The following MSH3 variants were observed in gnomAD, a reference collection of about 807,000 sequenced individuals.
MSH3 encodes DNA mismatch repair protein Msh3.
Under a neutral mutation model 123.3 loss-of-function variants are expected in MSH3, and 106 were observed. That is an observed-to-expected ratio of 0.86 (90% confidence interval 0.73 to 1.01). The LOEUF (loss-of-function observed/expected upper bound fraction) is 1.01. MSH3 is among the 50% of genes least tolerant of loss of function. The pLI is 0.00. For synonymous variants in MSH3, 515 were observed against 481.4 expected, an observed-to-expected ratio of 1.07 and a Z score of -0.91; for missense variants, 1,459 against 1,347.6, an observed-to-expected ratio of 1.08 and a Z score of -1.29.
chr5:80,783,846 G>A (rs539636709), intron 17 of MSH3, among the ~76,000 whole-genome samples: 7 of 152,248 alleles, frequency 4.6e-5, no homozygotes, highest in South Asian at 4.2e-4. Context: ...TAGGAGGACC[G>A]GATGGGTCAG....
Position 80,873,116 on chromosome 5 carries a change from G to A in MSH3, c.3131G>A (p.Gly1044Asp), listed in dbSNP as rs2112128541. ...TTGATCTCCTTTCTTTATTTCACAG[G>A]CGCAGCAGAACAAGTCCCTGATTTT... ...VSEDESKLDP[G>D]AAEQVPDFVT... The change falls in exon 23 of 24, where the codon GGC becomes GAC. Residue 1044 changes from glycine to aspartate, a missense_variant and splice_region_variant. By Grantham distance (94) the Gly-to-Asp change is moderately conservative. Transcript: ENST00000265081. The A allele has an allele frequency of 6.2e-7, 1 of 1,612,374 alleles. No individual in the cohort carries two copies. Among genetic ancestry groups the A allele is most frequent in the South Asian group, 1.1e-5 (1 of 90,996 alleles).
intron 20 of MSH3, 104 bp downstream of exon 20, chr5:80,813,845 C>A: frequency 7.9e-7 from 1 of 1,260,508 alleles, no homozygotes; most frequent in Non-Finnish European, 1.2e-6. Flanking sequence ...TCTTAAAGCA[C>A]TCAACATTTA....
chr5:80,661,379 T>G (rs1281401731), intron 2 of MSH3, among the ~76,000 whole-genome samples: 2 of 152,212 alleles, frequency 1.3e-5, no homozygotes, highest in African/African-American at 4.8e-5. Flanking sequence ...GGATAGATTC[T>G]ACTGCTCTGT....
chr5:80,707,138 CT>C (rs1343826778), intron 8 of MSH3, among the ~76,000 whole-genome samples: 1 of 152,242 alleles, frequency 6.6e-6, no homozygotes, highest in South Asian at 2.1e-4. Flanking sequence ...ACAGTGCATA[CT>C]TTTTTGTGTC....
At chr5:80,853,883 C>G (rs1979005) in intron 20 of MSH3, among the ~76,000 whole-genome samples, 1 of 152,056 alleles carries the variant, frequency 6.6e-6, no homozygotes, top group African/African-American at 2.4e-5. Flanking sequence ...TCAAACGTTT[C>G]CCTACTTTTT....
chr5:80,807,632 A>C (rs536038417), intron 19 of MSH3, among the ~76,000 whole-genome samples: 9 of 152,188 alleles, frequency 5.9e-5, no homozygotes, highest in Non-Finnish European at 1.0e-4. Flanking sequence ...CATTTGTATG[A>C]TTATCACCTG....
intron 12 of MSH3, among the ~76,000 whole-genome samples, chr5:80,760,609 T>C (rs1030031636): frequency 6.6e-5 from 10 of 152,212 alleles, no homozygotes; most frequent in Admixed American, 5.9e-4. Flanking sequence ...GTTTAACTAT[T>C]ATATTAGCCA....
chr5:80,769,530 T>C (rs1479069420), intron 15 of MSH3, among the ~76,000 whole-genome samples: 2 of 152,110 alleles, frequency 1.3e-5, no homozygotes, highest in Non-Finnish European at 2.9e-5. Flanking sequence ...TGTGTACTTC[T>C]GTTTAAAGTT....
intron 8 of MSH3, among the ~76,000 whole-genome samples, chr5:80,697,338 G>C (rs1051652264): frequency 3.3e-5 from 5 of 152,154 alleles, no homozygotes; most frequent in African/African-American, 4.8e-5. Flanking sequence ...GTTACACCTG[G>C]TTTACTTACC....
chr5:80,766,735 A>G (rs1320495853), intron 13 of MSH3, among the ~76,000 whole-genome samples: 1 of 151,998 alleles, frequency 6.6e-6, no homozygotes, highest in African/African-American at 2.4e-5. Flanking sequence ...ACCAGAAGCT[A>G]TGATATAAAA....
intron 8 of MSH3, among the ~76,000 whole-genome samples, chr5:80,703,149 A>G (rs750461556): frequency 1.2e-4 from 19 of 152,276 alleles, no homozygotes; most frequent in Non-Finnish European, 2.1e-4. Flanking sequence ...TATGTCCATA[A>G]TAAATGACAG....
intron 2 of MSH3, among the ~76,000 whole-genome samples, chr5:80,663,575 G>A (rs995462570): frequency 6.6e-6 from 1 of 151,618 alleles, no homozygotes; most frequent in East Asian, 1.9e-4. Flanking sequence ...CTATAGGAGG[G>A]AAACTCTTTG....
intron 2 of MSH3, among the ~76,000 whole-genome samples, chr5:80,660,234 G>A (rs1366768369): frequency 1.3e-5 from 2 of 150,848 alleles, no homozygotes; most frequent in African/African-American, 4.9e-5. Flanking sequence ...GGATACATGT[G>A]TAGAACATGC....
In MSH3 at chr5:80,741,549, G is replaced by A. The variant is rs550626088; in HGVS notation, c.1653+1G>A. 1 of 1,603,218 alleles carries A rather than the reference G, an allele frequency of 6.2e-7. No individual in the cohort carries two copies. Among genetic ancestry groups the A allele is most frequent in the African/African-American group, 1.3e-5 (1 of 74,788 alleles). ...GAATCTGGAAATCCTACAGAATCAGGTCAGGCAAATACAAGGGCTAGTTGA... is the reference window on the plus strand; with the variant it reads ...GAATCTGGAAATCCTACAGAATCAGATCAGGCAAATACAAGGGCTAGTTGA... On this transcript the variant is annotated splice_donor_variant, in intron 11 of 23. Transcript: ENST00000265081. LOFTEE classifies it high-confidence loss of function.
At chr5:80,751,715 C>A (rs1389292114) in intron 12 of MSH3, among the ~76,000 whole-genome samples, 3 of 152,094 alleles carry the variant, frequency 2.0e-5, no homozygotes, top group African/African-American at 7.2e-5. Flanking sequence ...AGAATGACCT[C>A]ATCTTAATAA....
chr5:80,839,219 T>C lies in MSH3; in HGVS notation c.2814-14911T>C, dbSNP rs530209182. Among the ~76,000 whole-genome samples, 6 of 152,116 alleles carry C rather than the reference T, an allele frequency of 3.9e-5. No individual in the cohort carries two copies. The East Asian group carries it at 1.2e-3, about 29-fold the overall frequency. ...CCATCTCTACTAAAAATACAAAATA[T>C]TAGCCAGGTGTGGTGGCGTGCACCT... On this transcript the variant is annotated intron_variant, in intron 20 of 23. Coordinates refer to ENST00000265081, the MANE Select transcript of MSH3 (RefSeq NM_002439.5).
chr5:80,748,058 T>C (rs918516521), intron 12 of MSH3, among the ~76,000 whole-genome samples: 9 of 152,168 alleles, frequency 5.9e-5, no homozygotes, highest in African/African-American at 2.2e-4. Flanking sequence ...TGCCAAAGGT[T>C]AGTTTAGGGT....
chr5:80,729,000 G>A (rs780553716), intron 10 of MSH3, 35 bp downstream of exon 10: 2 of 1,167,062 alleles, frequency 1.7e-6, no homozygotes, highest in South Asian at 1.2e-5. Flanking sequence ...AAAAGGGGGA[G>A]CTTATATTAT....
At chr5:80,721,133 G>T (rs1668073397) in intron 8 of MSH3, among the ~76,000 whole-genome samples, 1 of 151,940 alleles carries the variant, frequency 6.6e-6, no homozygotes, top group Non-Finnish European at 1.5e-5. Flanking sequence ...AAAATTTTTT[G>T]GCTTGATTTC....
Sources: allele counts gnomAD v4.1 joint callset (sites outside exome capture counted in the v4.1 genomes callset), GRCh38; gene constraint gnomAD v4.1.1; transcripts MANE v1.5; gene names NCBI Gene and HGNC (gene_info 2026-07-23, HGNC 2026-07-21).